Variants in SYT1 observed in about 807,000 individuals in gnomAD.
SYT1 encodes the protein synaptotagmin 1.
Under a neutral mutation model 44.8 loss-of-function variants are expected in SYT1, and 8 were observed. That is an observed-to-expected ratio of 0.18 (90% CI 0.10 to 0.32). The LOEUF is 0.32. Among genes scored for constraint, SYT1 ranks in the 10% least tolerant of loss-of-function variants. SYT1 has a pLI of 1.00. For missense variants in SYT1, 286 were observed against 509.3 expected, an observed-to-expected ratio of 0.56 and a Z score of 4.22; for synonymous variants, 154 against 188.8, an observed-to-expected ratio of 0.82 and a Z score of 1.51.
At chr12:79,217,721 G>A in intron 4 of SYT1, 36 bp downstream of exon 4, 4 of 1,553,212 alleles carry the variant, frequency 2.6e-6, no homozygotes, top group Admixed American at 1.9e-5. Context: ...GTAAAAATAA[G>A]TGGTTGAAAA....
chr12:78,935,176 T>A (rs1265595154), intron 1 of SYT1, among the ~76,000 whole-genome samples: 3 of 152,124 alleles, frequency 2.0e-5, no homozygotes, highest in African/African-American at 7.2e-5. Context: ...AGCAAGTAGG[T>A]GTCTGGAGAT....
intron 3 of SYT1, among the ~76,000 whole-genome samples, chr12:79,173,045 A>AAAAGGTATAT (rs1230446653): frequency 2.0e-5 from 3 of 150,174 alleles, no homozygotes; most frequent in African/African-American, 4.9e-5. Context: ...AATGTGGCAG[A>AAAAGGTATAT]AAAGGTATAT....
At chr12:79,194,614 A>G (rs1384320202) in intron 3 of SYT1, among the ~76,000 whole-genome samples, 2 of 152,086 alleles carry the variant, frequency 1.3e-5, no homozygotes, top group South Asian at 2.1e-4. Context: ...AGTGATGCCA[A>G]CGCTGCTGGT....
At chr12:79,097,761 T>A (rs1354351347) in intron 3 of SYT1, among the ~76,000 whole-genome samples, 3 of 152,046 alleles carry the variant, frequency 2.0e-5, no homozygotes, top group Non-Finnish European at 4.4e-5. Context: ...ACTGTACATT[T>A]ATATTTAATA....
intron 4 of SYT1, among the ~76,000 whole-genome samples, chr12:79,237,476 A>G (rs1478697309): frequency 6.6e-6 from 1 of 152,208 alleles, no homozygotes; most frequent in African/African-American, 2.4e-5. Flanking sequence ...GTCAAAGACT[A>G]TTGGGTAAAG....
intron 1 of SYT1, chr12:78,977,390 A>C (rs1301063232): frequency 6.6e-6 from 1 of 152,232 alleles, no homozygotes; most frequent in African/African-American, 2.4e-5. Context: ...ATAGCACTCC[A>C]GTATCCTAAC....
intron 3 of SYT1, among the ~76,000 whole-genome samples, chr12:79,108,135 G>GC (rs1432974011): frequency 1.3e-5 from 2 of 151,768 alleles, no homozygotes; most frequent in Non-Finnish European, 2.9e-5. Flanking sequence ...ATGAAGATAT[G>GC]CACCAAGCTG....
chr12:79,318,998 A>T (rs1881229070), intron 8 of SYT1, among the ~76,000 whole-genome samples: 1 of 152,226 alleles, frequency 6.6e-6, no homozygotes, highest in South Asian at 2.1e-4. Context: ...AAACATTAAT[A>T]TTTAACTTAG....
At chr12:79,362,351 T>C (rs1056497291) in intron 9 of SYT1, among the ~76,000 whole-genome samples, 5 of 152,032 alleles carry the variant, frequency 3.3e-5, no homozygotes, top group Admixed American at 2.0e-4. Context: ...AGTAATAGGA[T>C]CAATTATAAA....
At chr12:79,024,520 T>C (rs1334214133) in intron 2 of SYT1, among the ~76,000 whole-genome samples, 1 of 151,874 alleles carries the variant, frequency 6.6e-6, no homozygotes, top group African/African-American at 2.4e-5. Flanking sequence ...AAATATTAAC[T>C]GAATGTCTAC....
chr12:79,138,528 C>G (rs1356042820), intron 3 of SYT1, among the ~76,000 whole-genome samples: 2 of 152,216 alleles, frequency 1.3e-5, no homozygotes, highest in Non-Finnish European at 2.9e-5. Flanking sequence ...CACCTCCTGC[C>G]TTTGACCCGT....
intron 3 of SYT1, among the ~76,000 whole-genome samples, chr12:79,199,767 T>C (rs952150446): frequency 1.3e-5 from 2 of 152,090 alleles, no homozygotes; most frequent in Admixed American, 1.3e-4. Context: ...TTTTATACTG[T>C]GGTAGGGATT....
intron 2 of SYT1, among the ~76,000 whole-genome samples, chr12:79,004,050 C>T (rs954184297): frequency 1.3e-5 from 2 of 151,738 alleles, no homozygotes; most frequent in South Asian, 2.1e-4. Context: ...TCTAATGACC[C>T]TCCTTTTTAA....
At chr12:79,135,745 C>T (rs1869147494) in intron 3 of SYT1, among the ~76,000 whole-genome samples, 1 of 151,866 alleles carries the variant, frequency 6.6e-6, no homozygotes, top group African/African-American at 2.4e-5. Flanking sequence ...AACTCCATGC[C>T]TTTACTTTTA....
intron 4 of SYT1, among the ~76,000 whole-genome samples, chr12:79,224,201 C>T (rs1217713538): frequency 6.6e-6 from 1 of 152,178 alleles, no homozygotes; most frequent in Non-Finnish European, 1.5e-5. Context: ...TAAACTACAA[C>T]TTAGTCTTTT....
chr12:78,961,860 ATAT>A (rs142988792), intron 1 of SYT1, among the ~76,000 whole-genome samples: 16,815 of 152,108 alleles, frequency 0.11, 1,224 homozygotes, highest in Non-Finnish European at 0.17. Flanking sequence ...TAAGTAGCTG[ATAT>A]TATACTTTAG....
At chr12:79,006,184 C>T (rs1043573219) in intron 2 of SYT1, among the ~76,000 whole-genome samples, 1 of 152,104 alleles carries the variant, frequency 6.6e-6, no homozygotes, top group Non-Finnish European at 1.5e-5. Flanking sequence ...TGATGGCATT[C>T]ATTACTTTCA....
chr12:79,300,788 A>ATT (rs759192008), intron 8 of SYT1, among the ~76,000 whole-genome samples: 2,963 of 92,206 alleles, frequency 0.032, 128 homozygotes, highest in African/African-American at 0.067. Context: ...ATGTATACTT[A>ATT]TTATATATAT....
chr12:79,338,871 A>C (rs1255421338), intron 8 of SYT1, among the ~76,000 whole-genome samples: 1 of 151,132 alleles, frequency 6.6e-6, no homozygotes, highest in African/African-American at 2.4e-5. Flanking sequence ...CCCTGTGTCC[A>C]AGTGTTCTCA....
Sources: allele counts gnomAD v4.1 joint callset (sites outside exome capture counted in the v4.1 genomes callset), GRCh38; gene constraint gnomAD v4.1.1; transcripts MANE v1.5; gene names NCBI Gene and HGNC (gene_info 2026-07-23, HGNC 2026-07-21).